Variants in PPP1R13L observed in about 807,000 individuals in gnomAD.
The protein encoded by PPP1R13L is relA-associated inhibitor.
PPP1R13L carries 50 observed loss-of-function variants against 80.9 expected under a neutral mutation model. The observed-to-expected ratio is 0.62, with a 90% CI of 0.49 to 0.78. PPP1R13L has a LOEUF of 0.78. PPP1R13L is among the 30% of genes least tolerant of loss of function. The pLI is 0.00. For missense variants in PPP1R13L, 1,200 were observed against 1,205.9 expected (o/e 1.00, Z 0.07); for synonymous variants, 602 against 534.3 (o/e 1.13, Z -1.75).
chr19:45,399,213 G>A (rs1034402742), intron 1 of PPP1R13L, among the ~76,000 whole-genome samples: 3 of 151,302 alleles, frequency 2.0e-5, no homozygotes, highest in African/African-American at 7.3e-5. Flanking sequence ...AAAGTGCTGG[G>A]ATTACAGGCG....
chr19:45,387,594 G>A (rs550597971), intron 8 of PPP1R13L, among the ~76,000 whole-genome samples: 5 of 152,010 alleles, frequency 3.3e-5, no homozygotes, highest in South Asian at 2.1e-4. Flanking sequence ...TCGCTCTGTC[G>A]CCCAGGCTGG....
intron 1 of PPP1R13L, among the ~76,000 whole-genome samples, chr19:45,402,655 C>T (rs1973256610): frequency 2.0e-5 from 3 of 152,198 alleles, no homozygotes; most frequent in Admixed American, 1.3e-4. Flanking sequence ...TGGCGCGGGC[C>T]GTGTGTCTGT....
rs934745007 is a variant in PPP1R13L at position 45,396,256 on chromosome 19, AGGCCTGCGGGGC to A, written c.812-9_814del. On this transcript the variant is annotated splice_acceptor_variant and splice_polypyrimidine_tract_variant and coding_sequence_variant and intron_variant, in exon 6 of 13. Coordinates refer to ENST00000360957, the MANE Select transcript of PPP1R13L (RefSeq NM_006663.4). LOFTEE classifies it high-confidence loss of function. The surrounding 1 kb of genome is among the most constrained non-coding windows in gnomAD (Gnocchi z 5.3). ...CGAGGCAGGCCTTGCGAAGACGTCCAGGCCTGCGGGGCGGGAATCATTAGGGTCTGTGGGGCT... is the reference window on the plus strand; with the variant it reads ...CGAGGCAGGCCTTGCGAAGACGTCCAGGGAATCATTAGGGTCTGTGGGGCT... 6.2e-7 allele frequency: 1 copy of A among 1,611,804 alleles called. No individual in the cohort carries two copies. Among genetic ancestry groups the A allele is most frequent in the Non-Finnish European group, 8.5e-7 (1 of 1,179,716 alleles).
chr19:45,395,552 TG>T lies in PPP1R13L; in HGVS notation c.1237del (p.Gln413SerfsTer37). On this transcript the variant is annotated frameshift_variant, in exon 7 of 13. Transcript: ENST00000360957. LOFTEE classifies it high-confidence loss of function. ...CTGTGGTTGTGATTGTGGCTGGGGC[TG>T]TGGTTGTGGTTGGGGCTGCAGCTTA... The part of the protein sequence containing the change: ...PPKLQPQPQP[Q>X]PQPQSQPQPQ... The T allele has an allele frequency of 6.8e-7, 1 of 1,476,726 alleles. No homozygotes were observed. Among genetic ancestry groups the T allele is most frequent in the Non-Finnish European group, 9.0e-7 (1 of 1,114,208 alleles). The allele number at this position is 1,476,726 out of a possible 1,614,324, so 91.5% of individuals were successfully genotyped here.
At chr19:45,404,648 C>T (rs1269035059) in intron 1 of PPP1R13L, among the ~76,000 whole-genome samples, 1 of 152,150 alleles carries the variant, frequency 6.6e-6, no homozygotes, top group Admixed American at 6.5e-5. Flanking sequence ...ACCTTGAGCC[C>T]CACCAGTCTG....
intron 7 of PPP1R13L, 143 bp from the exon 8 acceptor site, chr19:45,392,483 T>C: frequency 2.4e-6 from 2 of 843,496 alleles, no homozygotes; most frequent in Admixed American, 2.0e-5. Flanking sequence ...GGCTACACTT[T>C]CCTTGGGCTG....
chr19:45,394,525 C>T (rs1319248120), intron 7 of PPP1R13L: 2 of 152,100 alleles, frequency 1.3e-5, no homozygotes, highest in South Asian at 2.1e-4. Context: ...ACCCTGTCAC[C>T]TGTGCTGGAG....
intron 12 of PPP1R13L, among the ~76,000 whole-genome samples, chr19:45,381,822 C>G (rs1668677938): frequency 6.6e-6 from 1 of 151,258 alleles, no homozygotes; most frequent in Non-Finnish European, 1.5e-5. Flanking sequence ...CGCCTGTCAT[C>G]CCAGCTACTC....
chr19:45,382,464 G>A (rs930534425), intron 12 of PPP1R13L, 63 bp downstream of exon 12: 2 of 1,552,744 alleles, frequency 1.3e-6, no homozygotes, highest in Admixed American at 1.8e-5. Flanking sequence ...TTTCCTGTGG[G>A]ATCCCCCTTT....
At position 45,405,028 on chromosome 19, in the gene PPP1R13L, C is replaced by T. The variant is rs1030845365; in HGVS notation, c.-51G>A. The T allele has an allele frequency of 5.1e-6, 5 of 985,898 alleles. No homozygotes were observed. In the South Asian group the frequency reaches 1.4e-4, roughly 28 times the overall value. 61.1% of individuals were successfully genotyped at this position (985,898 alleles called of 1,614,324 possible). A position where few individuals can be genotyped will look rare whatever the true frequency, so the allele number is the denominator to read the frequency against. ...CCGGGCAGATCCTGGCACCTGGGGG[C>T]TTCCTCCAGCTCGGGCTCCGGCTTG... is the stretch of plus-strand genomic sequence containing the variant. On this transcript the variant is annotated 5_prime_UTR_variant, in exon 1 of 13. Coordinates refer to ENST00000360957, the MANE Select transcript of PPP1R13L (RefSeq NM_006663.4).
chr19:45,382,422 A>G, intron 12 of PPP1R13L, 105 bp downstream of exon 12: 1 of 1,344,730 alleles, frequency 7.4e-7, no homozygotes. Flanking sequence ...TCCCTCTCCC[A>G]ATATAACGGT....
intron 11 of PPP1R13L, among the ~76,000 whole-genome samples, chr19:45,383,339 G>T (rs34417484): frequency 1.8e-5 from 2 of 110,536 alleles, no homozygotes; most frequent in South Asian, 6.1e-4. Flanking sequence ...CGCTCTTGTC[G>T]CCCAGGCAGG....
intron 11 of PPP1R13L, 43 bp downstream of exon 11, chr19:45,385,519 C>A (rs1280245707): frequency 1.3e-6 from 2 of 1,563,214 alleles, no homozygotes; most frequent in Non-Finnish European, 8.7e-7. Context: ...CCCGCTCCTG[C>A]GCACCCGCCA....
chr19:45,386,471 T>C (rs980709874), intron 8 of PPP1R13L, among the ~76,000 whole-genome samples: 14 of 152,134 alleles, frequency 9.2e-5, no homozygotes, highest in African/African-American at 2.7e-4. Context: ...AAAACAATGA[T>C]TGTGGAAGCC....
intron 8 of PPP1R13L, among the ~76,000 whole-genome samples, chr19:45,391,114 C>A (rs1972963783): frequency 6.6e-6 from 1 of 151,708 alleles, no homozygotes; most frequent in Non-Finnish European, 1.5e-5. Flanking sequence ...GGGAGGATGG[C>A]TTGAACCTGG....
intron 3 of PPP1R13L, 116 bp from the exon 4 acceptor site, chr19:45,397,174 C>T: frequency 2.3e-6 from 2 of 860,442 alleles, no homozygotes; most frequent in South Asian, 5.6e-5. Flanking sequence ...GGAGGCTGAC[C>T]GGCCATGGAA....
intron 8 of PPP1R13L, 125 bp from the exon 9 acceptor site, chr19:45,386,305 C>T: frequency 1.6e-6 from 2 of 1,246,850 alleles, no homozygotes; most frequent in Non-Finnish European, 2.1e-6. Context: ...CTGGGATTCC[C>T]TCGGGATGGG....
chr19:45,395,931 G>C, intron 6 of PPP1R13L, 45 bp from the exon 7 acceptor site: 1 of 1,492,726 alleles, frequency 6.7e-7, no homozygotes, highest in Non-Finnish European at 9.1e-7. Flanking sequence ...AGAGAGGGAA[G>C]GTGGAGGGGA....
intron 7 of PPP1R13L, 81 bp downstream of exon 7, chr19:45,395,355 C>T: frequency 6.5e-7 from 1 of 1,540,042 alleles, no homozygotes. Context: ...TGTGATCTCC[C>T]CACCTCCCAG....
Sources: allele counts gnomAD v4.1 joint callset (sites outside exome capture counted in the v4.1 genomes callset), GRCh38; gene constraint gnomAD v4.1.1; non-coding constraint Gnocchi (gnomAD v3.1); transcripts MANE v1.5; gene names NCBI Gene and HGNC (gene_info 2026-07-23, HGNC 2026-07-21).